Variants in FYB2 observed in about 807,000 individuals in gnomAD.
FYB2 encodes FYN-binding protein 2.
A neutral mutation model predicts 94.1 loss-of-function variants in FYB2; 103 were observed. That is an observed-to-expected ratio of 1.09 (90% CI 0.93 to 1.29). The LOEUF (loss-of-function observed/expected upper bound fraction) is 1.29. Ranked by LOEUF, FYB2 falls within the 50% of genes most tolerant of loss-of-function variation. The pLI, the probability that FYB2 is intolerant of heterozygous loss-of-function variation, is 0.00. For synonymous variants in FYB2, 293 were observed against 287.9 expected (o/e 1.02, Z -0.18); for missense variants, 896 against 841.5 (o/e 1.06, Z -0.80).
chr1:56,812,893 G>C (rs1321460327), intron 1 of FYB2, among the ~76,000 whole-genome samples: 1 of 152,184 alleles, frequency 6.6e-6, no homozygotes, highest in Non-Finnish European at 1.5e-5. Flanking sequence ...TAGTTGCTAG[G>C]ATTGTCACAG....
At chr1:56,782,954 T>C (rs1244997134) in intron 4 of FYB2, among the ~76,000 whole-genome samples, 5 of 152,186 alleles carry the variant, frequency 3.3e-5, no homozygotes, top group African/African-American at 1.2e-4. Flanking sequence ...CCAGTGCTGA[T>C]TGCTGCCCTG....
In FYB2 at chr1:56,786,307, C is replaced by T. The variant is rs113475657; in HGVS notation, c.953+868G>A. Among the ~76,000 whole-genome samples, 58 of 152,310 alleles carry T rather than the reference C, an allele frequency of 3.8e-4. 3 individuals carry two copies. The highest frequency in any genetic ancestry group is 1.4e-3 in the African/African-American group (57 of 41,574). On this transcript the variant is annotated intron_variant, in intron 4 of 19. Transcript: ENST00000343433. ...TGGTTATTATGTAGCATTACTCTAG[C>T]AATGGAGAACTGATACTTCTTTAAA...
rs182340561 is a variant in FYB2 at position 56,765,688 on chromosome 1, T to A, written c.1063+2141A>T. Among the ~76,000 whole-genome samples, 125 of 152,274 alleles carry A rather than the reference T, an allele frequency of 8.2e-4. 4 individuals carry two copies. The South Asian group carries it at 0.017, about 21-fold the overall frequency. ...CCACTGGTGTTTCTGAGTTGCTAAC[T>A]TTTTTACCTCCAAAACTGACATATT... is the stretch of plus-strand genomic sequence containing the variant. On this transcript the variant is annotated intron_variant, in intron 5 of 19. Coordinates refer to ENST00000343433, the MANE Select transcript of FYB2 (RefSeq NM_001004303.5).
At chr1:56,768,747 T>G (rs755416902) in intron 4 of FYB2, among the ~76,000 whole-genome samples, 6 of 152,122 alleles carry the variant, frequency 3.9e-5, no homozygotes, top group African/African-American at 9.7e-5. Context: ...CACAAGGAGA[T>G]GAGCTGCAGT....
intron 6 of FYB2, among the ~76,000 whole-genome samples, chr1:56,757,866 C>T (rs1418862895): frequency 6.6e-6 from 1 of 150,720 alleles, no homozygotes; most frequent in Non-Finnish European, 1.5e-5. Context: ...ACCTCCTGGG[C>T]TTAAACGGTC....
At chr1:56,773,961 T>A (rs1234746873) in intron 4 of FYB2, among the ~76,000 whole-genome samples, 2 of 152,108 alleles carry the variant, frequency 1.3e-5, no homozygotes, top group African/African-American at 4.8e-5. Context: ...AAATTAAGAA[T>A]ACCCTACTCA....
Position 56,744,168 on chromosome 1 carries a change from A to C in FYB2, c.1486T>G (p.Tyr496Asp). The stretch of plus-strand genomic sequence containing the variant: ...GTTACTTACACCTCTTTCCTGGAGT[A>C]CTCGACATCATCATATATCTCCTCC... ...ISEEIYDDVE[Y>D]SRKEVPKLNY... Residue 496 changes from tyrosine to aspartate, a missense_variant, in exon 10 of 20, where the codon TAC becomes GAC. Transcript: ENST00000343433. The C allele has an allele frequency of 6.2e-7, 1 of 1,612,608 alleles. No homozygotes were observed. Among genetic ancestry groups the C allele is most frequent in the Non-Finnish European group, 8.5e-7 (1 of 1,179,154 alleles).
chr1:56,785,191 G>A (rs571013269), intron 4 of FYB2, among the ~76,000 whole-genome samples: 2 of 152,284 alleles, frequency 1.3e-5, no homozygotes, highest in Admixed American at 1.3e-4. Flanking sequence ...GAAACAGATT[G>A]CCGTTTCTTT....
In FYB2 at chr1:56,753,832, T is replaced by C. The variant is rs2100707941; in HGVS notation, c.1227+7A>G. The C allele has an allele frequency of 3.8e-6, 6 of 1,585,178 alleles. No individual in the cohort carries two copies. Among genetic ancestry groups the C allele is most frequent in the Non-Finnish European group, 2.6e-6 (3 of 1,154,262 alleles). ...TCTAAACTGCAGGAACCGTAGAACA[T>C]AGGTACCTTGAAAACATGGTTTGAA... On this transcript the variant is annotated splice_region_variant and intron_variant, in intron 8 of 19. Transcript: ENST00000343433.
At chr1:56,766,989 C>T (rs1298179628) in intron 5 of FYB2, among the ~76,000 whole-genome samples, 1 of 152,202 alleles carries the variant, frequency 6.6e-6, no homozygotes, top group Non-Finnish European at 1.5e-5. Context: ...CATTATAACT[C>T]TATTCCATGT....
the FYB2 span, among the ~76,000 whole-genome samples, chr1:56,825,624 C>A: frequency 6.6e-6 from 1 of 152,112 alleles, no homozygotes; most frequent in Non-Finnish European, 1.5e-5. Flanking sequence ...GTACTCATAC[C>A]CTCAAGTGCC....
upstream of FYB2, chr1:56,824,006 A>G (rs936563754): frequency 6.6e-6 from 1 of 151,906 alleles, no homozygotes; most frequent in Non-Finnish European, 1.5e-5. Context: ...CAAGCAGGGA[A>G]CCCCCGTCTC....
intron 1 of FYB2, among the ~76,000 whole-genome samples, chr1:56,798,866 T>C (rs976219319): frequency 7.2e-5 from 11 of 152,064 alleles, no homozygotes; most frequent in Non-Finnish European, 1.5e-5. Context: ...TGGCTTTGAG[T>C]CCCATATGCT....
intron 1 of FYB2, among the ~76,000 whole-genome samples, chr1:56,796,014 C>A (rs974217052): frequency 6.6e-6 from 1 of 152,064 alleles, no homozygotes; most frequent in Admixed American, 6.6e-5. Context: ...AGAAAATAAG[C>A]AATTACACAA....
At chr1:56,749,055 GT>G (rs60812894) in intron 9 of FYB2, among the ~76,000 whole-genome samples, 93 of 141,882 alleles carry the variant, frequency 6.6e-4, no homozygotes, top group South Asian at 1.1e-3. Context: ...ACTCAGTTGT[GT>G]TTTTTTTTTT....
At chr1:56,748,643 A>C (rs777005866) in intron 9 of FYB2, among the ~76,000 whole-genome samples, 3 of 152,026 alleles carry the variant, frequency 2.0e-5, no homozygotes, top group Admixed American at 6.6e-5. Flanking sequence ...AGGCTAAAGC[A>C]AATTAATACC....
At chr1:56,774,392 T>C (rs1390030521) in intron 4 of FYB2, among the ~76,000 whole-genome samples, 1 of 152,124 alleles carries the variant, frequency 6.6e-6, no homozygotes, top group Non-Finnish European at 1.5e-5. Flanking sequence ...TACTTCTGCT[T>C]CCACTAGTAC....
chr1:56,804,334 G>T (rs976316614), intron 1 of FYB2, among the ~76,000 whole-genome samples: 1 of 152,170 alleles, frequency 6.6e-6, no homozygotes, highest in Non-Finnish European at 1.5e-5. Flanking sequence ...TGAAATGAGT[G>T]AATATATTTC....
rs904166987 is a variant in FYB2 at position 56,738,617 on chromosome 1, G to T, written c.1732+8C>A. On this transcript the variant is annotated splice_region_variant and intron_variant, in intron 14 of 19. Coordinates refer to ENST00000343433, the MANE Select transcript of FYB2 (RefSeq NM_001004303.5). ...ACTTTTGGTCTGCAATAAGCAAATG[G>T]CACTTACCTAAATCAGGCAGCAAAA... 1.2e-6 allele frequency: 2 copies of T among 1,608,922 alleles called. No homozygotes were observed. Among genetic ancestry groups the T allele is most frequent in the Non-Finnish European group, 1.7e-6 (2 of 1,177,160 alleles).
Sources: allele counts gnomAD v4.1 joint callset (sites outside exome capture counted in the v4.1 genomes callset), GRCh38; gene constraint gnomAD v4.1.1; transcripts MANE v1.5; gene names NCBI Gene and HGNC (gene_info 2026-07-23, HGNC 2026-07-21).